The following CIT variants were observed in gnomAD, a reference collection of about 807,000 sequenced individuals.
CIT encodes citron rho-interacting serine/threonine kinase, also known as citron Rho-interacting kinase.
In CIT, 79 loss-of-function variants were observed where a neutral mutation model predicts 272.7. The ratio of observed to expected loss-of-function variants is 0.29; its 90% CI spans 0.24 to 0.35. The LOEUF (loss-of-function observed/expected upper bound fraction) is 0.35, where lower values mean the gene tolerates loss of function less well. CIT is among the 10% of genes least tolerant of loss of function. The probability of loss-of-function intolerance (pLI) is 1.00; values close to 1 mark genes in which losing one functional copy is unlikely to be tolerated. For synonymous variants in CIT, 948 were observed against 995.6 expected (o/e 0.95, Z 0.90); for missense variants, 1,909 against 2,618.3 (o/e 0.73, Z 5.91).
intron 3 of CIT, among the ~76,000 whole-genome samples, chr12:119,861,292 A>C (rs1950329087): frequency 6.6e-6 from 1 of 151,742 alleles, no homozygotes; most frequent in Non-Finnish European, 1.5e-5. Context: ...CACTGTGAAA[A>C]TGCAGTCAGA....
chr12:119,811,294 ACT>A (rs1480176736), intron 9 of CIT, among the ~76,000 whole-genome samples: 1 of 152,000 alleles, frequency 6.6e-6, no homozygotes, highest in East Asian at 1.9e-4. Flanking sequence ...ACAAAGCAAG[ACT>A]CTCTCTCAAA....
Position 119,731,937 on chromosome 12 carries a change from G to C in CIT, c.3351-1307C>G, listed in dbSNP as rs367918922. ...TGCAACCTCCACCTCCAAGATTCAA[G>C]CGATTCTCCTGCCTCAGCCTCCCAA... On this transcript the variant is annotated intron_variant, in intron 26 of 47. Transcript: ENST00000392521. Among the ~76,000 whole-genome samples the C allele has an allele frequency of 2.4e-4, 36 of 151,426 alleles. No homozygotes were observed. In the East Asian group the frequency reaches 2.5e-3, roughly 11 times the overall value.
chr12:119,692,890 G>C (rs1956037745), intron 46 of CIT, among the ~76,000 whole-genome samples: 1 of 152,310 alleles, frequency 6.6e-6, no homozygotes, highest in Non-Finnish European at 1.5e-5. Context: ...TAAGATTTAA[G>C]ATAACTCAGA....
Position 119,688,132 on chromosome 12 carries a change from C to T in CIT, c.*100G>A. ...TGGGCCCCGCTGAGCCAGAGGGTGG[C>T]TGAGCACGTGGGCGCTTGGGTCCCC... On this transcript the variant is annotated 3_prime_UTR_variant, in exon 48 of 48. Coordinates refer to ENST00000392521, the MANE Select transcript of CIT (RefSeq NM_001206999.2). 1 of 1,328,902 alleles carries T rather than the reference C, an allele frequency of 7.5e-7. No individual in the cohort carries two copies. The highest frequency in any genetic ancestry group is 1.2e-5 in the South Asian group (1 of 84,728). The allele number at this position is 1,328,902 out of a possible 1,614,324, so 82.3% of individuals were successfully genotyped here. A position where few individuals can be genotyped will look rare whatever the true frequency, so the allele number is the denominator to read the frequency against.
At chr12:119,850,780 C>A (rs1296442837) in intron 4 of CIT, among the ~76,000 whole-genome samples, 5 of 152,162 alleles carry the variant, frequency 3.3e-5, no homozygotes, top group Non-Finnish European at 5.9e-5. Flanking sequence ...GGACACAGTG[C>A]CGTCCCAAGC....
At chr12:119,765,370 T>TATATA (rs1378626833) in intron 19 of CIT, among the ~76,000 whole-genome samples, 1 of 145,894 alleles carries the variant, frequency 6.9e-6, no homozygotes, top group East Asian at 2.0e-4. Flanking sequence ...ATATATATTA[T>TATATA]ATATAATATA....
At chr12:119,729,083 A>G in intron 27 of CIT, among the ~76,000 whole-genome samples, 1 of 152,244 alleles carries the variant, frequency 6.6e-6, no homozygotes, top group East Asian at 1.9e-4. Flanking sequence ...ATTCAACCCA[A>G]TTAGGAGAAG....
intron 3 of CIT, among the ~76,000 whole-genome samples, chr12:119,864,448 G>T (rs1240707268): frequency 6.6e-6 from 1 of 152,146 alleles, no homozygotes; most frequent in Non-Finnish European, 1.5e-5. Flanking sequence ...CAATTCTCCA[G>T]CCTCAGCCTC....
chr12:119,756,744 G>C (rs371663486), intron 22 of CIT, among the ~76,000 whole-genome samples: 5 of 151,780 alleles, frequency 3.3e-5, no homozygotes, highest in Admixed American at 1.3e-4. Flanking sequence ...CCAGCCCCAC[G>C]TGTTTTCCTT....
Position 119,784,684 on chromosome 12 carries a change from C to T in CIT, c.1401+276G>A, listed in dbSNP as rs989012429. 1.4e-5 allele frequency: 18 copies of T among 1,295,772 alleles called. No homozygotes were observed. Among genetic ancestry groups the T allele is most frequent in the South Asian group, 2.0e-5 (1 of 50,146 alleles). 80.3% of individuals were successfully genotyped at this position (1,295,772 alleles called of 1,614,324 possible). A position where few individuals can be genotyped will look rare whatever the true frequency, so the allele number is the denominator to read the frequency against. On this transcript the variant is annotated intron_variant, in intron 11 of 47. Coordinates refer to ENST00000392521, the MANE Select transcript of CIT (RefSeq NM_001206999.2). The surrounding 1 kb of genome is among the most constrained non-coding windows in gnomAD (Gnocchi z 4.7). ...ACAGGTGAGGACCCAGGCCACCTGC[C>T]GGAAGAAGCAGACATCTGGCTGGGT...
At chr12:119,734,658 ACAGGGTCCAGCTCTGTCACC>A (rs1408987382) in intron 25 of CIT, among the ~76,000 whole-genome samples, 26 of 151,850 alleles carry the variant, frequency 1.7e-4, no homozygotes, top group African/African-American at 6.3e-4. Flanking sequence ...TTTTTTCGAG[ACAGGGTCCAGCTCTGTCACC>A]CAGGCTGGAG....
Position 119,718,608 on chromosome 12 carries a change from C to T in CIT, c.4003+91G>A. On this transcript the variant is annotated intron_variant, in intron 31 of 47. Coordinates refer to ENST00000392521, the MANE Select transcript of CIT (RefSeq NM_001206999.2). The surrounding 1 kb of genome is among the most constrained non-coding windows in gnomAD (Gnocchi z 4.8). ...AAAGCGTATGGGCCATAAACGAAGA[C>T]ACTGAGCTAGTTAGTCTTGGCTGAT... 21 of 1,542,130 alleles carry T rather than the reference C, an allele frequency of 1.4e-5. No homozygotes were observed. Among genetic ancestry groups the T allele is most frequent in the Non-Finnish European group, 1.9e-5 (21 of 1,127,840 alleles).
chr12:119,723,718 A>G (rs539440189), intron 28 of CIT, among the ~76,000 whole-genome samples: 6 of 152,364 alleles, frequency 3.9e-5, no homozygotes, highest in African/African-American at 1.4e-4. Flanking sequence ...TAAATTGTCA[A>G]TGGAATAAAT....
At chr12:119,789,422 G>T (rs947770937) in intron 10 of CIT, among the ~76,000 whole-genome samples, 1 of 152,110 alleles carries the variant, frequency 6.6e-6, no homozygotes, top group Admixed American at 6.5e-5. Flanking sequence ...ACAACGTACA[G>T]GTATTAGATA....
intron 9 of CIT, among the ~76,000 whole-genome samples, chr12:119,815,105 A>ACACAAC (rs58388824): frequency 7.0e-6 from 1 of 143,180 alleles, no homozygotes; most frequent in African/African-American, 2.6e-5. Context: ...ACACACACAC[A>ACACAAC]ACACACACAC....
chr12:119,771,591 T>C (rs1006550475), intron 17 of CIT, among the ~76,000 whole-genome samples: 9 of 152,024 alleles, frequency 5.9e-5, no homozygotes, highest in Non-Finnish European at 1.3e-4. Flanking sequence ...CACCTGAGCA[T>C]TATGGAACCC....
intron 9 of CIT, among the ~76,000 whole-genome samples, chr12:119,815,262 G>T (rs745710381): frequency 1.3e-5 from 2 of 151,672 alleles, no homozygotes; most frequent in Non-Finnish European, 2.9e-5. Flanking sequence ...GCCATAAGGG[G>T]TTTTCATTTG....
At chr12:119,876,384 C>T (rs1950846229) in intron 1 of CIT, among the ~76,000 whole-genome samples, 1 of 152,156 alleles carries the variant, frequency 6.6e-6, no homozygotes, top group African/African-American at 2.4e-5. Flanking sequence ...ATCTGACATA[C>T]TCTCTTACTT....
intron 13 of CIT, among the ~76,000 whole-genome samples, chr12:119,780,928 T>C: frequency 6.6e-6 from 1 of 152,184 alleles, no homozygotes; most frequent in East Asian, 1.9e-4. Context: ...AGACGTGTCT[T>C]TGAACTCGGC....
Sources: gnomAD v4.1 joint callset for allele counts (sites outside exome capture counted in the v4.1 genomes callset) on GRCh38, gnomAD v4.1.1 for gene constraint, Gnocchi (gnomAD v3.1) non-coding constraint, MANE v1.5 for transcripts, NCBI Gene and HGNC (gene_info 2026-07-23, HGNC 2026-07-21) for gene names.